Variants in RABGAP1L observed in about 807,000 individuals in gnomAD.
RABGAP1L encodes rab GTPase-activating protein 1-like.
RABGAP1L carries 63 observed loss-of-function variants against 137.7 expected under a neutral mutation model. That is an observed-to-expected ratio of 0.46 (90% confidence interval 0.37 to 0.56). The LOEUF (loss-of-function observed/expected upper bound fraction) is 0.56. Ranked by LOEUF, RABGAP1L falls within the 20% of genes least tolerant of loss-of-function variation. RABGAP1L has a pLI of 0.00. For missense variants in RABGAP1L, 1,095 were observed against 1,244.0 expected, an observed-to-expected ratio of 0.88 and a Z score of 1.80; for synonymous variants, 431 against 433.7, an observed-to-expected ratio of 0.99 and a Z score of 0.08.
At chr1:174,664,729 G>GTT (rs1557964009) in intron 14 of RABGAP1L, among the ~76,000 whole-genome samples, 1 of 85,596 alleles carries the variant, frequency 1.2e-5, no homozygotes, top group African/African-American at 5.9e-5. Flanking sequence ...CTTTCTTTCT[G>GTT]CTTTCTTTTT....
At chr1:174,850,482 T>G (rs916461030) in intron 19 of RABGAP1L, among the ~76,000 whole-genome samples, 4 of 152,254 alleles carry the variant, frequency 2.6e-5, no homozygotes, top group African/African-American at 9.6e-5. Context: ...CCTTTTGTGT[T>G]TTGTACCATT....
chr1:174,494,717 A>G (rs951419019), intron 13 of RABGAP1L, among the ~76,000 whole-genome samples: 3 of 152,218 alleles, frequency 2.0e-5, no homozygotes. Flanking sequence ...CTTCTTATAC[A>G]TATTTGCTCC....
intron 4 of RABGAP1L, among the ~76,000 whole-genome samples, chr1:174,234,226 C>A (rs1670948681): frequency 2.0e-5 from 2 of 101,210 alleles, no homozygotes; most frequent in Non-Finnish European, 3.6e-5. Context: ...TGCCTGTTCA[C>A]TCTGATGGTA....
At chr1:174,323,468 C>T (rs914347420) in intron 11 of RABGAP1L, among the ~76,000 whole-genome samples, 7 of 151,926 alleles carry the variant, frequency 4.6e-5, no homozygotes, top group African/African-American at 1.7e-4. Flanking sequence ...TTTAATGTTC[C>T]CTTTCCAGAT....
At chr1:174,304,158 G>T (rs1215212312) in intron 10 of RABGAP1L, among the ~76,000 whole-genome samples, 1 of 151,944 alleles carries the variant, frequency 6.6e-6, no homozygotes, top group Admixed American at 6.6e-5. Context: ...CCTTTATTTT[G>T]ATTATGACAT....
At chr1:174,796,599 A>G (rs921434692) in intron 18 of RABGAP1L, among the ~76,000 whole-genome samples, 1 of 152,182 alleles carries the variant, frequency 6.6e-6, no homozygotes, top group Non-Finnish European at 1.5e-5. Flanking sequence ...TGAAGGAAAC[A>G]TGAGGGATTT....
At chr1:174,530,148 G>A (rs1178161155) in intron 13 of RABGAP1L, among the ~76,000 whole-genome samples, 1 of 145,098 alleles carries the variant, frequency 6.9e-6, no homozygotes, top group Non-Finnish European at 1.5e-5. Flanking sequence ...GGCAGCCTAG[G>A]CCTCTCCAGT....
intron 1 of RABGAP1L, among the ~76,000 whole-genome samples, chr1:174,206,157 T>C (rs1229063036): frequency 1.3e-5 from 2 of 152,216 alleles, no homozygotes; most frequent in African/African-American, 2.4e-5. Flanking sequence ...GTTGACATTT[T>C]TATAAAAGCT....
chr1:174,487,042 A>G (rs1659741554), intron 13 of RABGAP1L, among the ~76,000 whole-genome samples: 1 of 152,180 alleles, frequency 6.6e-6, no homozygotes, highest in Non-Finnish European at 1.5e-5. Context: ...GTGACTTAAC[A>G]TATGATCTGT....
At chr1:174,576,747 A>G (rs567237762) in intron 13 of RABGAP1L, among the ~76,000 whole-genome samples, 3 of 152,320 alleles carry the variant, frequency 2.0e-5, no homozygotes, top group Admixed American at 2.0e-4. Flanking sequence ...CTTTCTCCAG[A>G]TTTAACATCC....
chr1:174,365,507 A>G (rs1226190773), intron 11 of RABGAP1L, among the ~76,000 whole-genome samples: 5 of 151,952 alleles, frequency 3.3e-5, no homozygotes, highest in African/African-American at 9.7e-5. Context: ...CTCAAGTTCC[A>G]TCTGCTGCGA....
At chr1:174,510,371 T>G (rs985967630) in intron 13 of RABGAP1L, among the ~76,000 whole-genome samples, 2 of 152,216 alleles carry the variant, frequency 1.3e-5, no homozygotes, top group African/African-American at 4.8e-5. Flanking sequence ...TAGCAGGTAC[T>G]CAGTAAATAT....
At chr1:174,700,154 C>T (rs959952831) in intron 16 of RABGAP1L, among the ~76,000 whole-genome samples, 6 of 152,058 alleles carry the variant, frequency 3.9e-5, no homozygotes, top group African/African-American at 1.2e-4. Flanking sequence ...CTTTACAATG[C>T]GTATTTATAA....
intron 18 of RABGAP1L, among the ~76,000 whole-genome samples, chr1:174,807,252 A>C (rs917814633): frequency 1.3e-5 from 2 of 152,286 alleles, no homozygotes; most frequent in East Asian, 3.9e-4. Flanking sequence ...CTTTTAAAAA[A>C]TTTTTTATTT....
intron 19 of RABGAP1L, chr1:174,849,903 T>C: frequency 1.7e-6 from 1 of 597,216 alleles, no homozygotes; most frequent in Non-Finnish European, 3.2e-6. Context: ...TTCTTTCAGC[T>C]CTTGACATCT....
intron 11 of RABGAP1L, among the ~76,000 whole-genome samples, chr1:174,365,710 G>T (rs1684555487): frequency 6.6e-6 from 1 of 152,196 alleles, no homozygotes; most frequent in Non-Finnish European, 1.5e-5. Context: ...GCTGCTGAGG[G>T]ATGTGGGTGG....
intron 13 of RABGAP1L, among the ~76,000 whole-genome samples, chr1:174,581,374 T>C (rs1053253678): frequency 6.6e-6 from 1 of 152,204 alleles, no homozygotes; most frequent in African/African-American, 2.4e-5. Flanking sequence ...GAATGAAGCA[T>C]TGATGTATGC....
chr1:174,494,947 T>G (rs554208624), intron 13 of RABGAP1L, among the ~76,000 whole-genome samples: 17 of 152,272 alleles, frequency 1.1e-4, no homozygotes, highest in South Asian at 4.1e-4. Flanking sequence ...GATGCTCAGT[T>G]TCTACAGGGC....
chr1:174,373,132 CT>C (rs1361202672), intron 12 of RABGAP1L, among the ~76,000 whole-genome samples: 3 of 152,156 alleles, frequency 2.0e-5, no homozygotes, highest in African/African-American at 7.2e-5. Context: ...TACTCTCTTC[CT>C]TTAAGATGAA....
Sources: gnomAD v4.1 joint callset for allele counts (sites outside exome capture counted in the v4.1 genomes callset) on GRCh38, gnomAD v4.1.1 for gene constraint, MANE v1.5 for transcripts, NCBI Gene and HGNC (gene_info 2026-07-23, HGNC 2026-07-21) for gene names.